Variants in CDH4 observed in about 807,000 individuals in gnomAD.
The protein encoded by CDH4 is cadherin 4.
CDH4 carries 33 observed loss-of-function variants against 86.0 expected under a neutral mutation model. That is an observed-to-expected ratio of 0.38 (90% confidence interval 0.29 to 0.51). The LOEUF (loss-of-function observed/expected upper bound fraction) is 0.51, where lower values mean the gene tolerates loss of function less well. CDH4 is among the 20% of genes least tolerant of loss of function. CDH4 has a pLI of 0.86. For synonymous variants in CDH4, 555 were observed against 549.4 expected (o/e 1.01, Z -0.14); for missense variants, 1,114 against 1,307.4 (o/e 0.85, Z 2.28).
intron 2 of CDH4, among the ~76,000 whole-genome samples, chr20:61,478,595 C>G (rs933329415): frequency 6.6e-6 from 1 of 151,882 alleles, no homozygotes; most frequent in Non-Finnish European, 1.5e-5. Context: ...TTTATGAGTG[C>G]CTGATGTGTG....
intron 7 of CDH4, among the ~76,000 whole-genome samples, chr20:61,885,415 G>T (rs770088905): frequency 6.6e-6 from 1 of 152,128 alleles, no homozygotes; most frequent in African/African-American, 2.4e-5. Context: ...ATGGCGTTTC[G>T]TGTCTGGTGT....
chr20:61,932,882 G>A (rs1004909588), intron 13 of CDH4, 103 bp from the exon 14 acceptor site: 10 of 1,462,960 alleles, frequency 6.8e-6, no homozygotes, highest in African/African-American at 4.2e-5. Flanking sequence ...TCATGCTTGT[G>A]TGCCACCTGC....
Position 61,780,203 on chromosome 20 carries a change from G to A in CDH4, c.576+7021G>A, listed in dbSNP as rs555643080. ...TGGCTCGTAGCTTCCAGACTGGCTCGTAGCTTCCAGACTGGCTCGTAGCCT... is the reference window on the plus strand; with the variant it reads ...TGGCTCGTAGCTTCCAGACTGGCTCATAGCTTCCAGACTGGCTCGTAGCCT... On this transcript the variant is annotated intron_variant, in intron 4 of 15. Transcript: ENST00000614565. 1.8e-3 allele frequency among the ~76,000 whole-genome samples: 279 copies of A among 152,222 alleles called. 1 individual carries two copies. The highest frequency in any genetic ancestry group is 1.0e-3 in the Non-Finnish European group (69 of 68,014).
rs1299558557 is a variant in CDH4 at position 61,686,788 on chromosome 20, T to C, written c.170-56775T>C. On this transcript the variant is annotated intron_variant, in intron 2 of 15. Transcript: ENST00000614565. ...GTGCATTCGCGCGTGTGTGTGTGCA[T>C]GTGTGCATGTCCACTTGCATGCATG... 2.0e-5 allele frequency among the ~76,000 whole-genome samples: 3 copies of C among 152,324 alleles called. No homozygotes were observed. In the East Asian group the frequency reaches 5.8e-4, roughly 29 times the overall value.
chr20:61,422,322 G>A (rs1483135964), intron 2 of CDH4, among the ~76,000 whole-genome samples: 1 of 151,064 alleles, frequency 6.6e-6, no homozygotes, highest in Non-Finnish European at 1.5e-5. Context: ...TACTCGGGGG[G>A]CTGAAGCAGG....
chr20:61,781,432 T>A (rs952265277), intron 4 of CDH4, among the ~76,000 whole-genome samples: 2 of 152,052 alleles, frequency 1.3e-5, no homozygotes, highest in South Asian at 4.2e-4. Context: ...GAAAAAAAAA[T>A]TTGATACTCT....
At chr20:61,787,553 G>A (rs779861918) in intron 4 of CDH4, among the ~76,000 whole-genome samples, 11 of 152,202 alleles carry the variant, frequency 7.2e-5, no homozygotes, top group Non-Finnish European at 1.5e-4. Context: ...TGATATTTGG[G>A]TGGGGCCACA....
At chr20:61,450,769 T>C (rs1043090689) in intron 2 of CDH4, among the ~76,000 whole-genome samples, 1 of 141,192 alleles carries the variant, frequency 7.1e-6, no homozygotes, top group Non-Finnish European at 1.5e-5. Context: ...GGACACTGGG[T>C]TAGGGCAGAG....
Position 61,810,871 on chromosome 20 carries a change from C to T in CDH4, c.577-33797C>T, listed in dbSNP as rs565097009. On this transcript the variant is annotated intron_variant, in intron 4 of 15. Coordinates refer to ENST00000614565, the MANE Select transcript of CDH4 (RefSeq NM_001794.5). This position sits in a 1 kb window ranked among gnomAD's most constrained non-coding sequence, Gnocchi z 4.3. ...GCCCCTTGGCCCGGCTTCTCCAGAA[C>T]GCAGCCAGCACAGAGGGTATGGCCG... Among the ~76,000 whole-genome samples, 150 of 152,262 alleles carry T rather than the reference C, an allele frequency of 9.9e-4. No homozygotes were observed. The highest frequency in any genetic ancestry group is 3.3e-3 in the African/African-American group (136 of 41,566).
rs186284666 is a variant in CDH4, at chr20:61,778,880, G to A, written c.576+5698G>A. Among the ~76,000 whole-genome samples the A allele has an allele frequency of 1.4e-3, 214 of 152,334 alleles. 1 individual carries two copies. The highest frequency in any genetic ancestry group is 2.7e-3 in the Non-Finnish European group (181 of 68,034). On this transcript the variant is annotated intron_variant, in intron 4 of 15. Transcript: ENST00000614565. ...CAGAATTCTGGCTCTGGACTGGACA[G>A]TTTGGGCAGTTGCTATGGTGCCAAG...
intron 2 of CDH4, among the ~76,000 whole-genome samples, chr20:61,363,057 T>G (rs980169901): frequency 6.6e-6 from 1 of 152,264 alleles, no homozygotes; most frequent in African/African-American, 2.4e-5. Context: ...AGTGAGTTTC[T>G]TCCAGCTCTG....
chr20:61,934,717 G>GCCCCCCCCCCCCCCCCCC (rs200122965), intron 15 of CDH4, among the ~76,000 whole-genome samples: 3 of 148,680 alleles, frequency 2.0e-5, no homozygotes, highest in African/African-American at 5.1e-5. Context: ...AGGCCAACTT[G>GCCCCCCCCCCCCCCCCCC]CCCCCCCTCC....
chr20:61,464,836 G>C (rs988465214), intron 2 of CDH4, among the ~76,000 whole-genome samples: 2 of 152,294 alleles, frequency 1.3e-5, no homozygotes, highest in Middle Eastern at 3.4e-3. Flanking sequence ...CTGTGGACTT[G>C]GAGCTGTTAC....
In CDH4 at chr20:61,544,414, C is replaced by T. The variant is rs2086062397; in HGVS notation, c.170-199149C>T. 6.6e-6 allele frequency among the ~76,000 whole-genome samples: 1 copy of T among 151,906 alleles called. No homozygotes were observed. The highest frequency in any genetic ancestry group is 2.1e-4 in the South Asian group (1 of 4,764). On this transcript the variant is annotated intron_variant, in intron 2 of 15. Coordinates refer to ENST00000614565, the MANE Select transcript of CDH4 (RefSeq NM_001794.5). This position sits in a 1 kb window ranked among gnomAD's most constrained non-coding sequence, Gnocchi z 6.5. ...GCTTGCCCAGGAGAGAGGGGTGGGA[C>T]TCCTGGTGTTCACTTCGTAGCTGTT...
intron 2 of CDH4, among the ~76,000 whole-genome samples, chr20:61,407,907 C>T (rs750425870): frequency 2.6e-5 from 4 of 152,180 alleles, no homozygotes; most frequent in African/African-American, 4.8e-5. Context: ...GAACAGGCAA[C>T]GCTAATTGTC....
At position 61,829,644 on chromosome 20, in the gene CDH4, A is replaced by G. The variant is rs1568838081; in HGVS notation, c.577-15024A>G. On this transcript the variant is annotated intron_variant, in intron 4 of 15. Coordinates refer to ENST00000614565, the MANE Select transcript of CDH4 (RefSeq NM_001794.5). This position sits in a 1 kb window ranked among gnomAD's most constrained non-coding sequence, Gnocchi z 4.2. ...GCGAGTGGGGGCTCCTCTGCCAAGC[A>G]TTAAATACGGACTCACCACTGGGGA... is the stretch of plus-strand genomic sequence containing the variant. 1.3e-5 allele frequency among the ~76,000 whole-genome samples: 2 copies of G among 152,172 alleles called. No homozygotes were observed. The highest frequency in any genetic ancestry group is 2.1e-4 in the South Asian group (1 of 4,838).
chr20:61,296,285 G>T (rs1299458848), intron 2 of CDH4, among the ~76,000 whole-genome samples: 1 of 114,552 alleles, frequency 8.7e-6, no homozygotes, highest in South Asian at 2.7e-4. Context: ...GCGTGGGTGC[G>T]TGTGTGTGTG....
chr20:61,803,036 G>A (rs1048492020), intron 4 of CDH4, among the ~76,000 whole-genome samples: 13 of 152,224 alleles, frequency 8.5e-5, no homozygotes, highest in Non-Finnish European at 1.9e-4. Flanking sequence ...TTTACCAACA[G>A]GTCTGGACAG....
intron 2 of CDH4, among the ~76,000 whole-genome samples, chr20:61,334,395 G>T (rs1473368951): frequency 6.6e-6 from 1 of 152,176 alleles, no homozygotes. Flanking sequence ...AGTGGGTGGT[G>T]CAGTGCGTCT....
Sources: gnomAD v4.1 joint callset for allele counts (sites outside exome capture counted in the v4.1 genomes callset) on GRCh38, gnomAD v4.1.1 for gene constraint, Gnocchi (gnomAD v3.1) non-coding constraint, MANE v1.5 for transcripts, NCBI Gene and HGNC (gene_info 2026-07-23, HGNC 2026-07-21) for gene names.